The following CNTLN variants were observed in gnomAD, a reference collection of about 807,000 sequenced individuals.
The protein encoded by CNTLN is centlein, centrosomal protein.
In CNTLN, 212 loss-of-function variants were observed where a neutral mutation model predicts 180.0. That is an observed-to-expected ratio of 1.18 (90% CI 1.05 to 1.32). The LOEUF (loss-of-function observed/expected upper bound fraction) is 1.32, where lower values mean the gene tolerates loss of function less well. Among genes scored for constraint, CNTLN ranks in the 40% most tolerant of loss-of-function variants. The pLI is 0.00. For synonymous variants in CNTLN, 722 were observed against 563.1 expected, an observed-to-expected ratio of 1.28 and a Z score of -3.99; for missense variants, 2,095 against 1,610.9, an observed-to-expected ratio of 1.30 and a Z score of -5.14.
chr9:17,260,093 G>A (rs368069988), intron 5 of CNTLN, among the ~76,000 whole-genome samples: 1 of 145,692 alleles, frequency 6.9e-6, no homozygotes, highest in South Asian at 2.3e-4. Context: ...GATCTTTCCT[G>A]CTTTCTCTTG....
In CNTLN at chr9:17,342,434, A is replaced by C. The variant is rs771913320; in HGVS notation, c.1876A>C (p.Met626Leu). The part of the protein sequence containing the change: ...AYFKRENQEL[M>L]IQKMNLEEEL... The stretch of plus-strand genomic sequence containing the variant: ...TTTCAAAAGGGAAAACCAGGAGCTA[A>C]TGATTCAAAAGTGAGTTTCATTTTT... The change falls in exon 12 of 26, where the codon ATG becomes CTG. Residue 626 changes from methionine to leucine, a missense_variant. Transcript: ENST00000380647. The C allele has an allele frequency of 6.2e-7, 1 of 1,600,328 alleles. No individual in the cohort carries two copies. Among genetic ancestry groups the C allele is most frequent in the East Asian group, 2.2e-5 (1 of 44,576 alleles).
At chr9:17,219,752 C>T (rs1194024933) in intron 2 of CNTLN, among the ~76,000 whole-genome samples, 1 of 151,982 alleles carries the variant, frequency 6.6e-6, no homozygotes, top group African/African-American at 2.4e-5. Context: ...AAACAGAATC[C>T]TGGGTGGCTT....
chr9:17,492,277 CTTT>C (rs1833207023), intron 25 of CNTLN, among the ~76,000 whole-genome samples: 1 of 151,682 alleles, frequency 6.6e-6, no homozygotes, highest in Non-Finnish European at 1.5e-5. Flanking sequence ...TTCTTTCTTT[CTTT>C]CTTTCTTATT....
Position 17,484,230 on chromosome 9 carries a change from G to A in CNTLN, c.3856-65G>A, listed in dbSNP as rs529325764. 238 of 1,255,024 alleles carry A rather than the reference G, an allele frequency of 1.9e-4. No homozygotes were observed. In the African/African-American group the frequency reaches 3.3e-3, roughly 17 times the overall value. 77.7% of individuals were successfully genotyped at this position (1,255,024 alleles called of 1,614,324 possible). On this transcript the variant is annotated intron_variant, in intron 23 of 25. Coordinates refer to ENST00000380647, the MANE Select transcript of CNTLN (RefSeq NM_017738.4). The stretch of plus-strand genomic sequence containing the variant: ...TTTGTTAGTATCTTCATATTTTTAT[G>A]TTATTACTGCTTTGTCTTCATTATG...
chr9:17,300,309 C>A (rs1037157217), intron 7 of CNTLN: 15 of 152,074 alleles, frequency 9.9e-5, no homozygotes, highest in African/African-American at 3.6e-4. Context: ...CTACCTGTGT[C>A]TATAGGCTGA....
intron 6 of CNTLN, among the ~76,000 whole-genome samples, chr9:17,294,175 T>A (rs1002542048): frequency 6.6e-6 from 1 of 151,698 alleles, no homozygotes; most frequent in Non-Finnish European, 1.5e-5. Flanking sequence ...ATCCAAAGAG[T>A]GAGCAGCAGC....
intron 18 of CNTLN, among the ~76,000 whole-genome samples, chr9:17,441,146 C>A (rs767723543): frequency 6.6e-6 from 1 of 152,192 alleles, no homozygotes; most frequent in African/African-American, 2.4e-5. Context: ...GTGAAAGAGA[C>A]TTTCCCAGAC....
At position 17,342,505 on chromosome 9, in the gene CNTLN, G is replaced by A; in HGVS notation, c.1886+61G>A. On this transcript the variant is annotated intron_variant, in intron 12 of 25. Transcript: ENST00000380647. ...AATACTTGGGAGAAATTTTTTCATGGCTTAAAAGCTATTAAAGAAACACTT... is the reference window on the plus strand; with the variant it reads ...AATACTTGGGAGAAATTTTTTCATGACTTAAAAGCTATTAAAGAAACACTT... 3.5e-6 allele frequency: 5 copies of A among 1,439,638 alleles called. No individual in the cohort carries two copies. In the South Asian group the frequency reaches 6.8e-5, roughly 20 times the overall value. 89.2% of individuals were successfully genotyped at this position (1,439,638 alleles called of 1,614,324 possible).
chr9:17,404,978 T>C (rs977480116), intron 15 of CNTLN, among the ~76,000 whole-genome samples: 2 of 151,660 alleles, frequency 1.3e-5, no homozygotes, highest in Non-Finnish European at 2.9e-5. Flanking sequence ...CGTCAGGCAG[T>C]CTGCCCACCT....
At chr9:17,437,698 G>T (rs151301312) in intron 18 of CNTLN, among the ~76,000 whole-genome samples, 1 of 152,078 alleles carries the variant, frequency 6.6e-6, no homozygotes, top group Admixed American at 6.6e-5. Flanking sequence ...CATGTAAAGC[G>T]CTATAATAAT....
intron 8 of CNTLN, among the ~76,000 whole-genome samples, chr9:17,317,749 A>G (rs1819625491): frequency 6.6e-6 from 1 of 152,176 alleles, no homozygotes. Context: ...TTCTAAACAG[A>G]GAGAACAAAT....
chr9:17,327,960 GAAA>G (rs901985486), intron 8 of CNTLN, among the ~76,000 whole-genome samples: 1 of 145,024 alleles, frequency 6.9e-6, no homozygotes, highest in Non-Finnish European at 1.5e-5. Flanking sequence ...TCTCAAAAAA[GAAA>G]AAAAAAAGCA....
chr9:17,280,890 T>C (rs1435452609), intron 6 of CNTLN, among the ~76,000 whole-genome samples: 2 of 152,186 alleles, frequency 1.3e-5, no homozygotes, highest in African/African-American at 2.4e-5. Context: ...TTGAACTGTA[T>C]ATATCTGGTA....
chr9:17,295,989 AGAGAGAGAGTGTGTGTGTGTGTGTGT>A (rs753587958), intron 6 of CNTLN, among the ~76,000 whole-genome samples: 44 of 83,472 alleles, frequency 5.3e-4, no homozygotes, highest in Middle Eastern at 8.2e-3. Context: ...AGAGAGAGAG[AGAGAGAGAGTGTGTGTGTGTGTGTGT>A]GTGTGTGTGT....
In CNTLN at chr9:17,135,219, G is replaced by C. The variant is rs1326105541; in HGVS notation, c.154G>C (p.Glu52Gln). 6.2e-7 allele frequency: 1 copy of C among 1,610,358 alleles called. No individual in the cohort carries two copies. Among genetic ancestry groups the C allele is most frequent in the South Asian group, 1.1e-5 (1 of 90,082 alleles). ...CGCAGCGCGGGAGGTGGTCGCGGAC[G>C]AAAGTGATAAAATCTGGGTGGGTGA... ...AGAAREVVADESDKIWVGEEG... is the reference protein window; with the variant it reads ...AGAAREVVADQSDKIWVGEEG... Residue 52 changes from glutamate (E) to glutamine (Q), a missense_variant, in exon 1 of 26, where the codon GAA (glutamate) becomes CAA (glutamine). Physicochemically the swap from Glu to Gln is conservative, Grantham distance 29. Coordinates refer to ENST00000380647, the MANE Select transcript of CNTLN (RefSeq NM_017738.4).
At chr9:17,244,963 AC>A (rs1460030092) in intron 5 of CNTLN, among the ~76,000 whole-genome samples, 1 of 152,104 alleles carries the variant, frequency 6.6e-6, no homozygotes, top group African/African-American at 2.4e-5. Context: ...CTGTTTTGTA[AC>A]ATTTTGTTCT....
chr9:17,175,649 T>A (rs192223238), intron 2 of CNTLN, among the ~76,000 whole-genome samples: 210 of 152,296 alleles, frequency 1.4e-3, no homozygotes, highest in Non-Finnish European at 2.4e-3. Flanking sequence ...CCATGAAGTT[T>A]AGAAGACTCT....
At chr9:17,331,819 A>G (rs1820661574) in intron 9 of CNTLN, among the ~76,000 whole-genome samples, 1 of 152,088 alleles carries the variant, frequency 6.6e-6, no homozygotes, top group African/African-American at 2.4e-5. Flanking sequence ...GAAAGAAAAC[A>G]TTCATAAAAT....
At chr9:17,358,791 A>G (rs1564026260) in intron 12 of CNTLN, among the ~76,000 whole-genome samples, 1 of 152,210 alleles carries the variant, frequency 6.6e-6, no homozygotes, top group Non-Finnish European at 1.5e-5. Flanking sequence ...GTAATTATGG[A>G]AATTTGGAGA....
Sources: gnomAD v4.1 joint callset for allele counts (sites outside exome capture counted in the v4.1 genomes callset) on GRCh38, gnomAD v4.1.1 for gene constraint, MANE v1.5 for transcripts, NCBI Gene and HGNC (gene_info 2026-07-23, HGNC 2026-07-21) for gene names.